PXK: variants seen among roughly 807,000 people sequenced by gnomAD.
PXK encodes PX domain containing serine/threonine kinase like, also known as PX domain-containing protein kinase-like protein.
In PXK, 35 loss-of-function variants were observed where a neutral mutation model predicts 84.7. The ratio of observed to expected loss-of-function variants is 0.41; its 90% CI spans 0.32 to 0.55. PXK has a LOEUF of 0.55. Ranked by LOEUF, PXK falls within the 20% of genes least tolerant of loss-of-function variation. PXK has a pLI of 0.21. For synonymous variants in PXK, 253 were observed against 260.8 expected, an observed-to-expected ratio of 0.97 and a Z score of 0.29; for missense variants, 634 against 699.7, an observed-to-expected ratio of 0.91 and a Z score of 1.06.
chr3:58,409,051 C>A lies in PXK; in HGVS notation c.1308+50C>A. On this transcript the variant is annotated intron_variant, in intron 14 of 17. Transcript: ENST00000356151. The surrounding 1 kb of genome is among the most constrained non-coding windows in gnomAD (Gnocchi z 4.2). ...GCCTTTTAGTGTCCCCATCCTCTGC[C>A]GTGGTTTTTATAGTGATTGACCTTT... is the stretch of plus-strand genomic sequence containing the variant. The A allele has an allele frequency of 2.1e-6, 3 of 1,402,978 alleles. No homozygotes were observed. Among genetic ancestry groups the A allele is most frequent in the South Asian group, 2.4e-5 (2 of 84,460 alleles). 86.9% of individuals were successfully genotyped at this position (1,402,978 alleles called of 1,614,324 possible).
intron 13 of PXK, among the ~76,000 whole-genome samples, chr3:58,405,678 CA>C (rs58141128): frequency 2.1e-3 from 205 of 99,800 alleles, no homozygotes; most frequent in Middle Eastern, 6.7e-3. Context: ...GACTCTGTCT[CA>C]AAAAAAAAAA....
chr3:58,371,576 A>C lies in PXK; in HGVS notation c.201+2098A>C, dbSNP rs189937795. Reference sequence around the variant, plus strand: ...GTGGGAGAAATATTTTTGAAATTGAAATTGCCTAGACTTAGCCTCTAAGAA... The same window carrying C: ...GTGGGAGAAATATTTTTGAAATTGACATTGCCTAGACTTAGCCTCTAAGAA... On this transcript the variant is annotated intron_variant, in intron 3 of 17. Coordinates refer to ENST00000356151, the MANE Select transcript of PXK (RefSeq NM_017771.5). 3.0e-3 allele frequency among the ~76,000 whole-genome samples: 451 copies of C among 152,268 alleles called. 10 individuals carry two copies. The highest frequency in any genetic ancestry group is 0.025 in the Admixed American group (379 of 15,294).
At position 58,409,618 on chromosome 3, in the gene PXK, G is replaced by C. The variant is rs1343405816; in HGVS notation, c.1395G>C (p.Lys465Asn). ...ERKKRKILAR[K>N]KSKRSALENS... ...AAAAAAGAAAGATTTTAGCTCGAAA[G>C]GTAAGCCTGCTGTCTCTCTGCAGTC... The change falls in exon 15 of 18, where the codon AAG becomes AAC. Residue 465 changes from lysine to asparagine, a missense_variant and splice_region_variant. Lys to Asn is a moderately conservative substitution (Grantham distance 94, BLOSUM62 0). Around this residue, in one of 3 missense-constraint regions of PXK, gnomAD observed 273 missense variants for 283.6 expected, o/e 0.96. Transcript: ENST00000356151. The surrounding 1 kb of genome is among the most constrained non-coding windows in gnomAD (Gnocchi z 4.2). 1 of 1,609,910 alleles carries C rather than the reference G, an allele frequency of 6.2e-7. No individual in the cohort carries two copies. Among genetic ancestry groups the C allele is most frequent in the African/African-American group, 1.3e-5 (1 of 74,560 alleles).
chr3:58,403,694 C>A (rs548856815), intron 12 of PXK, among the ~76,000 whole-genome samples, 168 bp from the exon 13 acceptor site: 2 of 152,256 alleles, frequency 1.3e-5, no homozygotes, highest in Admixed American at 1.3e-4. Flanking sequence ...CCTGCAAATC[C>A]CTTTGCATTT....
intron 3 of PXK, among the ~76,000 whole-genome samples, chr3:58,378,512 TTGTGTGTGTGTGTG>T (rs71091375): frequency 7.6e-4 from 22 of 29,096 alleles, no homozygotes; most frequent in East Asian, 7.1e-3. Context: ...TTTTTTTTTT[TTGTGTGTGTGTGTG>T]TGTGTGTGTG....
At chr3:58,406,376 C>T (rs2059412381) in intron 13 of PXK, among the ~76,000 whole-genome samples, 1 of 151,462 alleles carries the variant, frequency 6.6e-6, no homozygotes, top group African/African-American at 2.4e-5. Flanking sequence ...CTCCTGAGCT[C>T]AGGTAATCCT....
intron 1 of PXK, among the ~76,000 whole-genome samples, chr3:58,354,447 A>AATTTTTTTTTTTTTTT (rs1559898591): frequency 7.1e-6 from 1 of 141,312 alleles, no homozygotes; most frequent in African/African-American, 2.7e-5. Context: ...GCTGCTTCCT[A>AATTTTTTTTTTTTTTT]GTTTTTTTTT....
At chr3:58,340,604 T>C (rs1447456195) in intron 1 of PXK, among the ~76,000 whole-genome samples, 1 of 151,922 alleles carries the variant, frequency 6.6e-6, no homozygotes, top group African/African-American at 2.4e-5. Flanking sequence ...CGCATGCCTG[T>C]AATCCCAGCT....
intron 17 of PXK, among the ~76,000 whole-genome samples, chr3:58,419,603 A>G (rs2061513613): frequency 2.0e-5 from 3 of 152,214 alleles, no homozygotes; most frequent in South Asian, 4.1e-4. Flanking sequence ...AGGGAGAGTA[A>G]TATTTTTAGG....
In PXK at chr3:58,425,232, C is replaced by A; in HGVS notation, c.*272C>A. ...TCTAATGGCCAGGCTTTTGGGACAG[C>A]AGCATATTGAAATATTTTCACCAAC... On this transcript the variant is annotated 3_prime_UTR_variant, in exon 18 of 18. Transcript: ENST00000356151. The A allele has an allele frequency of 2.6e-6, 1 of 388,430 alleles. No individual in the cohort carries two copies. The highest frequency in any genetic ancestry group is 4.7e-6 in the Non-Finnish European group (1 of 211,110). The allele number at this position is 388,430 out of a possible 1,614,324, so 24.1% of individuals were successfully genotyped here.
chr3:58,347,845 C>A (rs1575758633), intron 1 of PXK, among the ~76,000 whole-genome samples: 2 of 152,060 alleles, frequency 1.3e-5, no homozygotes, highest in African/African-American at 2.4e-5. Flanking sequence ...TAGTTATTAT[C>A]CCAGTTTTGT....
intron 17 of PXK, chr3:58,420,441 A>G: frequency 1.4e-6 from 2 of 1,428,112 alleles, no homozygotes; most frequent in Non-Finnish European, 1.9e-6. Flanking sequence ...ATTCAGACTA[A>G]TATTTTACTG....
rs1437056100 is a variant in PXK at position 58,332,982 on chromosome 3, T to G, written c.-7T>G. The G allele has an allele frequency of 6.6e-6, 9 of 1,357,316 alleles. No individual in the cohort carries two copies. Among genetic ancestry groups the G allele is most frequent in the Non-Finnish European group, 8.6e-6 (9 of 1,042,396 alleles). 84.1% of individuals were successfully genotyped at this position (1,357,316 alleles called of 1,614,324 possible). The stretch of plus-strand genomic sequence containing the variant: ...GTCCCTAGGCGGCGGCGGCCGGGCG[T>G]CCCGGGATGGCCTTCATGGAGAAGC... On this transcript the variant is annotated 5_prime_UTR_variant, in exon 1 of 18. Coordinates refer to ENST00000356151, the MANE Select transcript of PXK (RefSeq NM_017771.5). The surrounding 1 kb of genome is among the most constrained non-coding windows in gnomAD (Gnocchi z 5.6).
intron 1 of PXK, among the ~76,000 whole-genome samples, chr3:58,363,316 T>A (rs2098219398): frequency 6.6e-6 from 1 of 152,170 alleles, no homozygotes; most frequent in African/African-American, 2.4e-5. Context: ...ATACTTGTAT[T>A]CTGTGGCCTT....
At chr3:58,351,336 A>G (rs1424402069) in intron 1 of PXK, among the ~76,000 whole-genome samples, 1 of 150,532 alleles carries the variant, frequency 6.6e-6, no homozygotes, top group Admixed American at 6.6e-5. Context: ...TCAGTGATCC[A>G]CCCGCCTCAG....
intron 1 of PXK, among the ~76,000 whole-genome samples, chr3:58,344,806 C>A (rs2097788627): frequency 6.6e-6 from 1 of 152,102 alleles, no homozygotes; most frequent in Non-Finnish European, 1.5e-5. Context: ...CCAGCCTGGG[C>A]AACAAGAGTG....
chr3:58,363,890 T>A (rs576251209), intron 1 of PXK, among the ~76,000 whole-genome samples: 1 of 152,198 alleles, frequency 6.6e-6, no homozygotes. Flanking sequence ...TAGAACTTTT[T>A]CATCAACTTA....
Position 58,399,357 on chromosome 3 carries a change from C to A in PXK, c.1161C>A (p.Ile387=). The A allele has an allele frequency of 1.2e-6, 2 of 1,613,872 alleles. No individual in the cohort carries two copies. The highest frequency in any genetic ancestry group is 1.7e-6 in the Non-Finnish European group (2 of 1,179,730). Residue 387 remains isoleucine, a synonymous_variant, in exon 12 of 18, where the codon ATC becomes ATA. Transcript: ENST00000356151. This position sits in a 1 kb window ranked among gnomAD's most constrained non-coding sequence, Gnocchi z 4.3. ...CEACKNGMPT[I]SRLLQMPLFS... ...CCTGTAAAAATGGCATGCCTACCATCTCCCGGCTCTTACAGATGCCGTAAG... is the reference window on the plus strand; with the variant it reads ...CCTGTAAAAATGGCATGCCTACCATATCCCGGCTCTTACAGATGCCGTAAG...
At chr3:58,381,996 G>A (rs1392298020) in intron 3 of PXK, among the ~76,000 whole-genome samples, 1 of 152,074 alleles carries the variant, frequency 6.6e-6, no homozygotes, top group South Asian at 2.1e-4. Context: ...AAAAATAAAA[G>A]CACATTAAAA....
Sources: gnomAD v4.1 joint callset for allele counts (sites outside exome capture counted in the v4.1 genomes callset) on GRCh38, gnomAD v4.1.1 for gene constraint, gnomAD v4.1.1 regional missense constraint, Gnocchi (gnomAD v3.1) non-coding constraint, MANE v1.5 for transcripts, NCBI Gene and HGNC (gene_info 2026-07-23, HGNC 2026-07-21) for gene names.